The following NCOA6 variants were observed in gnomAD, a reference collection of about 807,000 sequenced individuals.
The protein encoded by NCOA6 is nuclear receptor coactivator 6.
A neutral mutation model predicts 171.4 loss-of-function variants in NCOA6; 49 were observed. That is an observed-to-expected ratio of 0.29 (90% CI 0.23 to 0.36). The LOEUF (loss-of-function observed/expected upper bound fraction) is 0.36, where lower values mean the gene tolerates loss of function less well. Among genes scored for constraint, NCOA6 ranks in the 10% least tolerant of loss-of-function variants. NCOA6 has a pLI of 1.00. For synonymous variants in NCOA6, 910 were observed against 927.5 expected (o/e 0.98, Z 0.34); for missense variants, 2,248 against 2,554.5 (o/e 0.88, Z 2.59).
chr20:34,745,039 G>A (rs968126308), intron 10 of NCOA6, among the ~76,000 whole-genome samples: 1 of 152,208 alleles, frequency 6.6e-6, no homozygotes, highest in Admixed American at 6.5e-5. Context: ...GATTGGGGCT[G>A]ACGTGACAGA....
rs117098463 is a variant in NCOA6, at chr20:34,787,353, G to A, written c.-49-4949C>T. ...ACTCCTGCCAACACAGTAAGACCCCGACTCTACAAAAAAAATTTAAAAATT... is the reference window on the plus strand; with the variant it reads ...ACTCCTGCCAACACAGTAAGACCCCAACTCTACAAAAAAAATTTAAAAATT... On this transcript the variant is annotated intron_variant, in intron 2 of 14. Transcript: ENST00000359003. Among the ~76,000 whole-genome samples, 758 of 151,668 alleles carry A rather than the reference G, an allele frequency of 5.0e-3. 3 individuals are homozygous for A. The highest frequency in any genetic ancestry group is 0.014 in the Middle Eastern group (4 of 292).
intron 10 of NCOA6, among the ~76,000 whole-genome samples, chr20:34,744,340 A>T (rs1420850686): frequency 1.3e-5 from 2 of 152,234 alleles, no homozygotes; most frequent in African/African-American, 4.8e-5. Flanking sequence ...CCTTACAATC[A>T]GAAAAGATAA....
At chr20:34,727,114 A>C in intron 14 of NCOA6, 145 bp downstream of exon 14, 1 of 930,308 alleles carries the variant, frequency 1.1e-6, no homozygotes, top group South Asian at 1.8e-5. Context: ...AAATAAAGGA[A>C]GGACCAAACA....
rs1185972579 is a variant in NCOA6 at position 34,825,461 on chromosome 20, C to T, written c.-164+11G>A. Reference sequence around the variant, plus strand: ...CCCACCCCTTACGGGCCCGCGCCGCCGTCCCCTCACCTGAGCGCGGCCCCG... The same window carrying T: ...CCCACCCCTTACGGGCCCGCGCCGCTGTCCCCTCACCTGAGCGCGGCCCCG... On this transcript the variant is annotated intron_variant, in intron 1 of 14. Coordinates refer to ENST00000359003, the MANE Select transcript of NCOA6 (RefSeq NM_014071.5). The T allele has an allele frequency of 1.3e-5, 2 of 148,760 alleles. No individual in the cohort carries two copies. Among genetic ancestry groups the T allele is most frequent in the African/African-American group, 4.9e-5 (2 of 40,976 alleles). The allele number at this position is 148,760 out of a possible 1,614,324, so 9.2% of individuals were successfully genotyped here. A position where few individuals can be genotyped will look rare whatever the true frequency, so the allele number is the denominator to read the frequency against.
chr20:34,809,669 AG>A (rs1176112673), intron 1 of NCOA6: 3 of 388,580 alleles, frequency 7.7e-6, no homozygotes, highest in Non-Finnish European at 1.4e-5. Context: ...ATTTTACTCT[AG>A]AAAGAGTTGT....
intron 14 of NCOA6, among the ~76,000 whole-genome samples, chr20:34,725,251 A>G (rs1439930194): frequency 1.3e-5 from 2 of 152,260 alleles, no homozygotes; most frequent in Non-Finnish European, 2.9e-5. Flanking sequence ...AAAATCAGAC[A>G]TAATCTCCTG....
intron 2 of NCOA6, among the ~76,000 whole-genome samples, chr20:34,791,247 C>CA (rs551472571): frequency 3.0e-4 from 45 of 152,322 alleles, no homozygotes; most frequent in South Asian, 1.7e-3. Context: ...GAAAGTAGCA[C>CA]ATTTAATTTC....
chr20:34,762,283 ATCTT>A (rs1242293129), intron 5 of NCOA6, among the ~76,000 whole-genome samples: 3 of 152,046 alleles, frequency 2.0e-5, no homozygotes, highest in Admixed American at 2.0e-4. Context: ...CACCTTGTTA[ATCTT>A]TCTATCTTTC....
intron 4 of NCOA6, among the ~76,000 whole-genome samples, chr20:34,770,692 G>A (rs2077121906): frequency 6.6e-6 from 1 of 150,892 alleles, no homozygotes; most frequent in South Asian, 2.1e-4. Flanking sequence ...GTGCAATGGC[G>A]CGATCTCGGA....
intron 1 of NCOA6, among the ~76,000 whole-genome samples, chr20:34,796,037 G>T (rs1601070217): frequency 8.6e-6 from 1 of 116,904 alleles, no homozygotes; most frequent in Non-Finnish European, 1.7e-5. Flanking sequence ...TTGAGACAGA[G>T]TCTTGCTCTG....
chr20:34,787,095 G>A (rs1350172569), intron 2 of NCOA6, among the ~76,000 whole-genome samples: 1 of 149,994 alleles, frequency 6.7e-6, no homozygotes, highest in East Asian at 2.0e-4. Flanking sequence ...AATATCCAGG[G>A]CCCACAAGAA....
chr20:34,735,857 T>C (rs2075938913), intron 12 of NCOA6, among the ~76,000 whole-genome samples: 1 of 152,152 alleles, frequency 6.6e-6, no homozygotes, highest in Non-Finnish European at 1.5e-5. Context: ...TAAGCATGGC[T>C]ACTATTGCTT....
rs1452224673 is a variant in NCOA6, at chr20:34,742,644, G to A, written c.3612C>T (p.Thr1204=). 1 of 1,614,154 alleles carries A rather than the reference G, an allele frequency of 6.2e-7. No individual in the cohort carries two copies. Among genetic ancestry groups the A allele is most frequent in the Non-Finnish European group, 8.5e-7 (1 of 1,180,040 alleles). Residue 1204 remains threonine, a synonymous_variant, in exon 11 of 15, where the codon ACC becomes ACT. Coordinates refer to ENST00000359003, the MANE Select transcript of NCOA6 (RefSeq NM_014071.5). ...GHHFPNVAAP[T]QTSRPKTPNR... ...TTGGTGTTTTGGGCCTAGATGTCTG[G>A]GTTGGCGCAGCCACATTTGGGAAGT...
intron 14 of NCOA6, among the ~76,000 whole-genome samples, chr20:34,725,629 G>A (rs903880170): frequency 6.6e-6 from 1 of 152,196 alleles, no homozygotes; most frequent in South Asian, 2.1e-4. Flanking sequence ...TTTTAAGCTA[G>A]TGGGTAGTAG....
In NCOA6 at chr20:34,746,880, C is replaced by T. The variant is rs1311728784; in HGVS notation, c.2841G>A (p.Pro947=). 6.3e-6 allele frequency: 10 copies of T among 1,581,596 alleles called. No homozygotes were observed. Among genetic ancestry groups the T allele is most frequent in the Non-Finnish European group, 7.7e-6 (9 of 1,164,960 alleles). ...AGTTAATTCCTTGTTCTCCAGGCAA[C>T]GGTGGCTGATCAGCCTCTTCCAGAC... ...PAGLEEADQP[P]LPGEQGINLD... is the part of the protein sequence containing the mutation. The change falls in exon 10 of 15, where the codon CCG becomes CCA. Residue 947 remains proline, a synonymous_variant. Transcript: ENST00000359003.
intron 3 of NCOA6, among the ~76,000 whole-genome samples, chr20:34,777,513 G>A (rs1011300080): frequency 6.6e-6 from 1 of 152,022 alleles, no homozygotes; most frequent in African/African-American, 2.4e-5. Context: ...TACTCAGGAG[G>A]CTGAGGCCAG....
chr20:34,797,216 C>T (rs1042216577), intron 1 of NCOA6, among the ~76,000 whole-genome samples: 3 of 152,132 alleles, frequency 2.0e-5, no homozygotes, highest in African/African-American at 7.2e-5. Context: ...GGGAAAGACT[C>T]CTTCCCTCTG....
intron 1 of NCOA6, among the ~76,000 whole-genome samples, chr20:34,792,870 T>C (rs2077936464): frequency 6.8e-6 from 1 of 147,502 alleles, no homozygotes; most frequent in African/African-American, 2.5e-5. Flanking sequence ...CTCAACCTCC[T>C]AGGCTCAAGC....
chr20:34,810,386 G>A (rs1353812783), intron 1 of NCOA6, among the ~76,000 whole-genome samples: 3 of 151,884 alleles, frequency 2.0e-5, no homozygotes, highest in South Asian at 2.1e-4. Flanking sequence ...TCCTACTTAA[G>A]ACTATGAAAA....
Sources: allele counts gnomAD v4.1 joint callset (sites outside exome capture counted in the v4.1 genomes callset), GRCh38; gene constraint gnomAD v4.1.1; transcripts MANE v1.5; gene names NCBI Gene and HGNC (gene_info 2026-07-23, HGNC 2026-07-21).